The following CHD6 variants were observed in gnomAD, a reference collection of about 807,000 sequenced individuals.
The protein encoded by CHD6 is chromodomain helicase DNA binding protein 6.
CHD6 carries 50 observed loss-of-function variants against 276.9 expected under a neutral mutation model. The observed-to-expected ratio is 0.18, with a 90% CI of 0.14 to 0.23. The LOEUF (loss-of-function observed/expected upper bound fraction) is 0.23. Ranked by LOEUF, CHD6 falls within the 10% of genes least tolerant of loss-of-function variation. The pLI, the probability that CHD6 is intolerant of heterozygous loss-of-function variation, is 1.00. For synonymous variants in CHD6, 1,173 were observed against 1,229.3 expected (o/e 0.95, Z 0.96); for missense variants, 2,564 against 3,365.8 (o/e 0.76, Z 5.89).
At chr20:41,604,517 T>C (rs1048135053) in intron 1 of CHD6, among the ~76,000 whole-genome samples, 2 of 152,228 alleles carry the variant, frequency 1.3e-5, no homozygotes, top group African/African-American at 4.8e-5. Context: ...GAGTTGGCTA[T>C]GAAAATCATT....
rs745649498 is a variant in CHD6 at position 41,421,077 on chromosome 20, A to G, written c.5558T>C (p.Leu1853Ser). Residue 1853 changes from leucine to serine, a missense_variant, in exon 31 of 37, where the codon TTA becomes TCA. By Grantham distance (145) the Leu-to-Ser change is moderately radical. Coordinates refer to ENST00000373233, the MANE Select transcript of CHD6 (RefSeq NM_032221.5). The stretch of plus-strand genomic sequence containing the variant: ...CTGACTCAAAATCAATTTACTTTCT[A>G]AGCTTTTGTTTTCCAATAAATCAAT... ...QLIDLLENKS[L>S]ESKLILSQNH... is the part of the protein sequence containing the mutation. 1.2e-6 allele frequency: 2 copies of G among 1,613,968 alleles called. No individual in the cohort carries two copies. The highest frequency in any genetic ancestry group is 1.7e-6 in the Non-Finnish European group (2 of 1,179,980).
intron 26 of CHD6, among the ~76,000 whole-genome samples, chr20:41,438,024 A>G (rs1222186573): frequency 6.6e-6 from 1 of 152,198 alleles, no homozygotes; most frequent in African/African-American, 2.4e-5. Flanking sequence ...TGACTCTGAT[A>G]AAAGAACACA....
chr20:41,498,807 ATG>A (rs753690840), intron 6 of CHD6, among the ~76,000 whole-genome samples: 1 of 117,650 alleles, frequency 8.5e-6, no homozygotes, highest in Non-Finnish European at 1.8e-5. Context: ...GTATGTATGT[ATG>A]TATGTGTGTG....
intron 3 of CHD6, among the ~76,000 whole-genome samples, chr20:41,518,549 A>T (rs754577570): frequency 3.3e-5 from 5 of 152,212 alleles, no homozygotes; most frequent in Admixed American, 6.5e-5. Context: ...TAGCCTGGAA[A>T]TACTTTCTCA....
At chr20:41,432,992 CAGG>C (rs1185519889) in intron 27 of CHD6, among the ~76,000 whole-genome samples, 2 of 151,668 alleles carry the variant, frequency 1.3e-5, no homozygotes, top group South Asian at 2.1e-4. Context: ...CCAAAACCCT[CAGG>C]AGAAGACTCA....
At chr20:41,422,741 C>T (rs990110525) in intron 30 of CHD6, among the ~76,000 whole-genome samples, 29 of 152,182 alleles carry the variant, frequency 1.9e-4, no homozygotes, top group African/African-American at 6.5e-4. Flanking sequence ...GTGACAGAAC[C>T]AGGATTTAAA....
At chr20:41,551,505 G>GT (rs781010939) in intron 1 of CHD6, 145 bp from the exon 2 acceptor site, 6 of 550,912 alleles carry the variant, frequency 1.1e-5, no homozygotes, top group South Asian at 2.1e-5. Context: ...CTCCAGAGCC[G>GT]TAAGTGTACA....
intron 26 of CHD6, among the ~76,000 whole-genome samples, chr20:41,437,718 G>A (rs2047759229): frequency 6.6e-6 from 1 of 152,128 alleles, no homozygotes; most frequent in South Asian, 2.1e-4. Context: ...ACCAATATCG[G>A]CAGATGATCA....
At chr20:41,544,303 G>A (rs770613740) in intron 2 of CHD6, among the ~76,000 whole-genome samples, 15 of 152,104 alleles carry the variant, frequency 9.9e-5, no homozygotes, top group Admixed American at 4.6e-4. Context: ...CTCGTTATGC[G>A]AGCTAAAAAT....
intron 3 of CHD6, among the ~76,000 whole-genome samples, chr20:41,530,456 G>A (rs986460784): frequency 2.0e-5 from 3 of 152,086 alleles, no homozygotes; most frequent in East Asian, 3.8e-4. Flanking sequence ...GGGTCTAATC[G>A]ATACCTGCTC....
At chr20:41,591,646 T>C (rs1286549381) in intron 1 of CHD6, among the ~76,000 whole-genome samples, 1 of 151,956 alleles carries the variant, frequency 6.6e-6, no homozygotes, top group East Asian at 1.9e-4. Context: ...TAAGCCAAGA[T>C]TGCACCATTG....
chr20:41,477,104 T>C (rs887971250), intron 16 of CHD6, among the ~76,000 whole-genome samples: 2 of 152,058 alleles, frequency 1.3e-5, no homozygotes, highest in African/African-American at 2.4e-5. Context: ...ACAGGCATGG[T>C]GGCCAATGTG....
chr20:41,508,407 A>G (rs910356180), intron 5 of CHD6, among the ~76,000 whole-genome samples: 2 of 152,066 alleles, frequency 1.3e-5, no homozygotes, highest in Admixed American at 6.6e-5. Context: ...TGAGCAGGAG[A>G]CTGAGAAATA....
chr20:41,588,200 A>C (rs760517971), intron 1 of CHD6, among the ~76,000 whole-genome samples: 4 of 152,174 alleles, frequency 2.6e-5, no homozygotes. Flanking sequence ...AGCAGGATAA[A>C]TGTGTTAGTC....
Position 41,403,186 on chromosome 20 carries a change from G to T in CHD6, c.*1407C>A. On this transcript the variant is annotated 3_prime_UTR_variant, in exon 37 of 37. Transcript: ENST00000373233. ...TGTAACAGAAAAAGTAAAAAATACA[G>T]TAAATTGTGACAACAAAAAGTGAAA... is the stretch of plus-strand genomic sequence containing the variant. The T allele has an allele frequency of 1.1e-6, 1 of 882,126 alleles. No individual in the cohort carries two copies. The highest frequency in any genetic ancestry group is 1.4e-6 in the Non-Finnish European group (1 of 713,842). The allele number at this position is 882,126 out of a possible 1,614,324, so 54.6% of individuals were successfully genotyped here.
chr20:41,435,748 G>A (rs142249091), intron 27 of CHD6, among the ~76,000 whole-genome samples: 4 of 152,204 alleles, frequency 2.6e-5, no homozygotes, highest in African/African-American at 9.6e-5. Flanking sequence ...AGTTTCTGTG[G>A]ATAAGATTAT....
chr20:41,457,498 G>C (rs1334262701), intron 17 of CHD6, 70 bp from the exon 18 acceptor site: 2 of 1,536,780 alleles, frequency 1.3e-6, no homozygotes, highest in East Asian at 4.6e-5. Flanking sequence ...GGGAATAGGG[G>C]AGTGCTTAAA....
intron 5 of CHD6, among the ~76,000 whole-genome samples, chr20:41,501,039 C>T (rs1466890294): frequency 2.0e-5 from 3 of 152,144 alleles, no homozygotes; most frequent in African/African-American, 7.2e-5. Context: ...ACTGATCTTG[C>T]AGCCAACTAA....
At chr20:41,560,222 T>C (rs2045287171) in intron 1 of CHD6, among the ~76,000 whole-genome samples, 1 of 152,138 alleles carries the variant, frequency 6.6e-6, no homozygotes. Flanking sequence ...GGGTATTGTG[T>C]CTTAAAAAAA....
Sources: gnomAD v4.1 joint callset for allele counts (sites outside exome capture counted in the v4.1 genomes callset) on GRCh38, gnomAD v4.1.1 for gene constraint, MANE v1.5 for transcripts, NCBI Gene and HGNC (gene_info 2026-07-23, HGNC 2026-07-21) for gene names.